MMP28: variants seen among roughly 807,000 people sequenced by gnomAD.
The protein encoded by MMP28 is matrix metalloproteinase-28.
MMP28 carries 55 observed loss-of-function variants against 60.5 expected under a neutral mutation model. That is an observed-to-expected ratio of 0.91 (90% CI 0.73 to 1.14). MMP28 has a LOEUF of 1.14. MMP28 is among the 50% of genes most tolerant of loss of function. The pLI, the probability that MMP28 is intolerant of heterozygous loss-of-function variation, is 0.00. For synonymous variants in MMP28, 318 were observed against 312.5 expected, an observed-to-expected ratio of 1.02 and a Z score of -0.18; for missense variants, 686 against 738.3, an observed-to-expected ratio of 0.93 and a Z score of 0.82.
In MMP28 at chr17:35,795,339, C is replaced by G. The variant is rs750549071; in HGVS notation, c.39G>C (p.Gln13His). 2.3e-5 allele frequency: 33 copies of G among 1,464,078 alleles called. No individual in the cohort carries two copies. The South Asian group carries it at 4.0e-4, about 18-fold the overall frequency. The allele number at this position is 1,464,078 out of a possible 1,614,324, so 90.7% of individuals were successfully genotyped here. A position where few individuals can be genotyped will look rare whatever the true frequency, so the allele number is the denominator to read the frequency against. The change falls in exon 1 of 8, where the codon CAG (glutamine) becomes CAC (histidine). Residue 13 changes from glutamine to histidine, a missense_variant. Transcript: ENST00000605424. ...CGTCCAGGTGGCCCCACAGTAGCAG[C>G]TGCAGGGCGCGCAGCAGGAGGCCGA... ...ARVGLLLRAL[Q>H]LLLWGHLDAQ... is the part of the protein sequence containing the mutation.
Position 35,779,027 on chromosome 17 carries a change from G to T in MMP28, c.240C>A (p.Arg80=). ...GACGAGTCATCTGGCGCAGGGTGGC[G>T]CGGTCCAACACGCCGCTGACAGGTA... ...SQLPVSGVLD[R]ATLRQMTRPR... Residue 80 remains arginine (R), a synonymous_variant, in exon 3 of 8, where the codon CGC becomes CGA. Transcript: ENST00000605424. 1 of 1,614,042 alleles carries T rather than the reference G, an allele frequency of 6.2e-7. No individual in the cohort carries two copies. The highest frequency in any genetic ancestry group is 8.5e-7 in the Non-Finnish European group (1 of 1,179,912).
At chr17:35,777,819 C>T (rs973534611) in intron 3 of MMP28, among the ~76,000 whole-genome samples, 5 of 152,168 alleles carry the variant, frequency 3.3e-5, no homozygotes, top group Non-Finnish European at 5.9e-5. Context: ...GAGGCCAAGG[C>T]GGGTTCGAGA....
At chr17:35,781,495 G>A (rs2086501204) in intron 1 of MMP28, among the ~76,000 whole-genome samples, 1 of 152,170 alleles carries the variant, frequency 6.6e-6, no homozygotes, top group Non-Finnish European at 1.5e-5. Flanking sequence ...TCAGGGTCCA[G>A]GTACCTTTGA....
At chr17:35,761,053 G>T, downstream of MMP28, 3 of 1,290,868 alleles carry the variant, frequency 2.3e-6, no homozygotes, top group Non-Finnish European at 3.1e-6. Flanking sequence ...CCTTTTCTCA[G>T]TTACCCATCC....
At chr17:35,762,233 G>A (rs191994929), downstream of MMP28, among the ~76,000 whole-genome samples, 11 of 151,998 alleles carry the variant, frequency 7.2e-5, no homozygotes, top group Non-Finnish European at 1.2e-4. Flanking sequence ...CAGGTGATCC[G>A]CCTGCTTCGG....
chr17:35,793,775 C>T (rs1317624448), intron 1 of MMP28, among the ~76,000 whole-genome samples: 1 of 152,098 alleles, frequency 6.6e-6, no homozygotes, highest in East Asian at 1.9e-4. Context: ...AGTCTCAGGG[C>T]AGAGCATTGG....
downstream of MMP28, chr17:35,764,495 T>C (rs1300517952): frequency 1.3e-6 from 2 of 1,584,092 alleles, no homozygotes; most frequent in East Asian, 2.3e-5. Flanking sequence ...GCGGGGGCTG[T>C]GCTTGCTGCG....
chr17:35,771,085 CAACA>C (rs1197334116), intron 4 of MMP28, among the ~76,000 whole-genome samples: 1 of 151,122 alleles, frequency 6.6e-6, no homozygotes, highest in Non-Finnish European at 1.5e-5. Flanking sequence ...GAAACAACAA[CAACA>C]AAAAAGTGAT....
At chr17:35,793,193 A>C (rs2086865281) in intron 1 of MMP28, among the ~76,000 whole-genome samples, 1 of 152,134 alleles carries the variant, frequency 6.6e-6, no homozygotes, top group African/African-American at 2.4e-5. Context: ...CCCTTCCCCA[A>C]ATTTATGTTA....
intron 5 of MMP28, among the ~76,000 whole-genome samples, chr17:35,769,005 C>T (rs2086036064): frequency 6.6e-6 from 1 of 152,150 alleles, no homozygotes; most frequent in Non-Finnish European, 1.5e-5. Flanking sequence ...GTCATGAGGG[C>T]AGAGTCCAGA....
In MMP28 at chr17:35,795,347, C is replaced by A; in HGVS notation, c.31G>T (p.Ala11Ser). MVARVGLLLR[A>S]LQLLLWGHLD... is the part of the protein sequence containing the mutation. ...TGGCCCCACAGTAGCAGCTGCAGGG[C>A]GCGCAGCAGGAGGCCGACGCGCGCG... Residue 11 changes from alanine (A) to serine (S), a missense_variant, in exon 1 of 8, where the codon GCC becomes TCC. Physicochemically the swap from Ala to Ser is moderately conservative, Grantham distance 99. Coordinates refer to ENST00000605424, the MANE Select transcript of MMP28 (RefSeq NM_024302.5). 2 of 1,459,696 alleles carry A rather than the reference C, an allele frequency of 1.4e-6. No homozygotes were observed. Among genetic ancestry groups the A allele is most frequent in the South Asian group, 1.3e-5 (1 of 74,456 alleles). The allele number at this position is 1,459,696 out of a possible 1,614,324, so 90.4% of individuals were successfully genotyped here.
chr17:35,777,341 CA>C (rs2086362633), intron 3 of MMP28, among the ~76,000 whole-genome samples: 1 of 152,192 alleles, frequency 6.6e-6, no homozygotes, highest in African/African-American at 2.4e-5. Flanking sequence ...ATGTTGACAC[CA>C]AGGGCATCCT....
chr17:35,782,051 C>CTCT (rs1412211973), intron 1 of MMP28, among the ~76,000 whole-genome samples: 1 of 130,870 alleles, frequency 7.6e-6, no homozygotes, highest in African/African-American at 3.0e-5. Context: ...GTATTTCTCT[C>CTCT]TTTTTTTTTT....
chr17:35,784,237 A>G (rs2086584984), intron 1 of MMP28, among the ~76,000 whole-genome samples: 1 of 151,528 alleles, frequency 6.6e-6, no homozygotes, highest in East Asian at 1.9e-4. Flanking sequence ...AGCCCAGATC[A>G]CAACACTGCA....
intron 1 of MMP28, among the ~76,000 whole-genome samples, chr17:35,787,244 C>A (rs226430): frequency 6.5e-4 from 99 of 152,138 alleles, no homozygotes; most frequent in Non-Finnish European, 1.2e-3. Flanking sequence ...CCATCACAGC[C>A]AGAACAGGTC....
At chr17:35,787,079 G>A (rs1350067738) in intron 1 of MMP28, among the ~76,000 whole-genome samples, 7 of 152,154 alleles carry the variant, frequency 4.6e-5, no homozygotes, top group Admixed American at 3.9e-4. Flanking sequence ...TCTCTACTGG[G>A]GAGCTGACTC....
intron 3 of MMP28, among the ~76,000 whole-genome samples, chr17:35,777,292 T>C (rs2086360494): frequency 6.6e-6 from 1 of 152,226 alleles, no homozygotes; most frequent in Non-Finnish European, 1.5e-5. Flanking sequence ...TACTTCACTC[T>C]TCCTCTCCAT....
intron 1 of MMP28, among the ~76,000 whole-genome samples, chr17:35,779,995 A>G (rs1454000865): frequency 1.3e-5 from 2 of 152,110 alleles, no homozygotes; most frequent in Non-Finnish European, 2.9e-5. Context: ...TGGGTTGTGA[A>G]TTGTCTAATT....
At chr17:35,771,792 TG>T (rs1197598882) in intron 4 of MMP28, among the ~76,000 whole-genome samples, 1 of 137,344 alleles carries the variant, frequency 7.3e-6, no homozygotes, top group Non-Finnish European at 1.6e-5. Flanking sequence ...AGGGCACCTC[TG>T]GGGGGCCTCT....
Sources: gnomAD v4.1 joint callset for allele counts (sites outside exome capture counted in the v4.1 genomes callset) on GRCh38, gnomAD v4.1.1 for gene constraint, MANE v1.5 for transcripts, NCBI Gene and HGNC (gene_info 2026-07-23, HGNC 2026-07-21) for gene names.